The following DCC variants were observed in gnomAD, a reference collection of about 807,000 sequenced individuals.
DCC encodes the protein netrin receptor DCC.
A neutral mutation model predicts 172.5 loss-of-function variants in DCC; 58 were observed. The ratio of observed to expected loss-of-function variants is 0.34; its 90% CI spans 0.27 to 0.42. The LOEUF is 0.42. DCC is among the 10% of genes least tolerant of loss of function. The pLI is 1.00. For missense variants in DCC, 1,740 were observed against 1,791.0 expected (o/e 0.97, Z 0.51); for synonymous variants, 709 against 644.5 (o/e 1.10, Z -1.52).
intron 1 of DCC, among the ~76,000 whole-genome samples, chr18:52,689,547 G>A (rs1421513981): frequency 1.3e-5 from 2 of 152,082 alleles, no homozygotes; most frequent in Non-Finnish European, 2.9e-5. Context: ...GGGACCCTAT[G>A]CTTCTTCCTC....
chr18:52,601,314 A>G (rs1177466072), intron 1 of DCC, among the ~76,000 whole-genome samples: 1 of 151,986 alleles, frequency 6.6e-6, no homozygotes, highest in Non-Finnish European at 1.5e-5. Flanking sequence ...TCTATTATTT[A>G]TCTATCTGGA....
intron 27 of DCC, among the ~76,000 whole-genome samples, chr18:53,507,986 G>A (rs527589307): frequency 9.2e-4 from 110 of 119,588 alleles, no homozygotes; most frequent in Non-Finnish European, 1.6e-3. Context: ...CTCTGCCTCC[G>A]GGGTTCACGC....
At chr18:53,104,676 G>T (rs1426797141) in intron 7 of DCC, among the ~76,000 whole-genome samples, 1 of 152,042 alleles carries the variant, frequency 6.6e-6, no homozygotes, top group East Asian at 1.9e-4. Context: ...GCTTGAGTAT[G>T]TCTGGATTAT....
chr18:52,428,031 G>T (rs1290708439), intron 1 of DCC, among the ~76,000 whole-genome samples: 1 of 152,064 alleles, frequency 6.6e-6, no homozygotes, highest in South Asian at 2.1e-4. Context: ...CGTGGCTCAT[G>T]TGTTTATTCC....
intron 5 of DCC, among the ~76,000 whole-genome samples, chr18:52,981,549 T>G (rs543698239): frequency 6.6e-6 from 1 of 152,082 alleles, no homozygotes. Flanking sequence ...CCTTTGAAAA[T>G]TGGTCTCATT....
At chr18:53,498,245 C>T (rs970551452) in intron 26 of DCC, among the ~76,000 whole-genome samples, 26 of 152,238 alleles carry the variant, frequency 1.7e-4, no homozygotes, top group African/African-American at 5.1e-4. Context: ...CTTGAGCCTC[C>T]GGGAGACTTG....
At chr18:53,400,856 T>C (rs1909253547) in intron 18 of DCC, among the ~76,000 whole-genome samples, 1 of 152,192 alleles carries the variant, frequency 6.6e-6, no homozygotes, top group East Asian at 1.9e-4. Context: ...TGAAGCAATC[T>C]AATCATCCTC....
intron 1 of DCC, among the ~76,000 whole-genome samples, chr18:52,432,489 C>T (rs1371839383): frequency 6.6e-6 from 1 of 152,096 alleles, no homozygotes; most frequent in Non-Finnish European, 1.5e-5. Flanking sequence ...TGTTGCTCTT[C>T]GTGCAAGGGA....
At chr18:52,791,547 G>A (rs1469760715) in intron 2 of DCC, among the ~76,000 whole-genome samples, 2 of 151,894 alleles carry the variant, frequency 1.3e-5, no homozygotes, top group Non-Finnish European at 2.9e-5. Context: ...ATGACCCTCA[G>A]CCATAGAACC....
At position 53,393,913 on chromosome 18, in the gene DCC, C is replaced by CT. The variant is rs1491444237; in HGVS notation, c.2688+2026_2688+2027insT. Among the ~76,000 whole-genome samples, 650 of 140,758 alleles carry CT rather than the reference C, an allele frequency of 4.6e-3. 28 individuals carry two copies. In the East Asian group the frequency reaches 0.11, roughly 24 times the overall value. 92.3% of individuals were successfully genotyped at this position (140,758 alleles called of 152,430 possible). Reference sequence around the variant, plus strand: ...AATGTACTATTCCCTCTCTCTCTCTCCCTCTCTCCCTCCCTCCCTCCCCCT... The same window carrying CT: ...AATGTACTATTCCCTCTCTCTCTCTCTCCTCTCTCCCTCCCTCCCTCCCCCT... On this transcript the variant is annotated intron_variant, in intron 17 of 28. Transcript: ENST00000442544.
chr18:53,034,432 C>T (rs2042065417), intron 5 of DCC, among the ~76,000 whole-genome samples: 1 of 151,988 alleles, frequency 6.6e-6, no homozygotes, highest in African/African-American at 2.4e-5. Flanking sequence ...TCACTTTCAA[C>T]ATCTTTCTTT....
chr18:53,234,173 C>T (rs1234044374), intron 12 of DCC, among the ~76,000 whole-genome samples: 1 of 152,148 alleles, frequency 6.6e-6, no homozygotes, highest in Non-Finnish European at 1.5e-5. Flanking sequence ...TCGCTTGAAC[C>T]TGGGAGGCGG....
At chr18:52,969,722 A>C (rs1397908783) in intron 5 of DCC, among the ~76,000 whole-genome samples, 1 of 151,744 alleles carries the variant, frequency 6.6e-6, no homozygotes. Context: ...TTATGTTTTC[A>C]TAAAGTATAT....
chr18:52,728,468 C>T (rs1031917822), intron 1 of DCC, among the ~76,000 whole-genome samples: 1 of 152,122 alleles, frequency 6.6e-6, no homozygotes, highest in East Asian at 1.9e-4. Flanking sequence ...GATTGTTATA[C>T]ATGAAAATAT....
chr18:53,478,082 A>G (rs1424932176), intron 25 of DCC, among the ~76,000 whole-genome samples: 1 of 152,214 alleles, frequency 6.6e-6, no homozygotes, highest in Non-Finnish European at 1.5e-5. Context: ...GATACAGAAT[A>G]ACACCAGTGA....
intron 2 of DCC, among the ~76,000 whole-genome samples, chr18:52,776,016 C>A (rs116279603): frequency 1.7e-3 from 266 of 152,278 alleles, no homozygotes; most frequent in African/African-American, 6.1e-3. Flanking sequence ...TTCTCACTCA[C>A]ACTACAGCAG....
intron 12 of DCC, among the ~76,000 whole-genome samples, chr18:53,298,340 A>G (rs2057091988): frequency 6.6e-6 from 1 of 151,926 alleles, no homozygotes; most frequent in Admixed American, 6.6e-5. Context: ...GTTCAAGACC[A>G]ATCTGGACAA....
At chr18:53,518,341 C>T (rs936565192) in intron 27 of DCC, among the ~76,000 whole-genome samples, 6 of 152,106 alleles carry the variant, frequency 3.9e-5, no homozygotes, top group African/African-American at 1.2e-4. Flanking sequence ...CCATGCTGTG[C>T]ATTGGCCTCT....
chr18:53,528,051 A>T (rs966176409), intron 28 of DCC, among the ~76,000 whole-genome samples: 1 of 152,014 alleles, frequency 6.6e-6, no homozygotes. Flanking sequence ...AAATAAATTT[A>T]TAACAATATC....
Sources: allele counts gnomAD v4.1 joint callset (sites outside exome capture counted in the v4.1 genomes callset), GRCh38; gene constraint gnomAD v4.1.1; transcripts MANE v1.5; gene names NCBI Gene and HGNC (gene_info 2026-07-23, HGNC 2026-07-21).